GBE1: variants seen among roughly 807,000 people sequenced by gnomAD.
GBE1 encodes the protein 1,4-alpha-glucan branching enzyme 1, also known as 1,4-alpha-glucan-branching enzyme.
GBE1 carries 70 observed loss-of-function variants against 88.8 expected under a neutral mutation model. That is an observed-to-expected ratio of 0.79 (90% CI 0.65 to 0.96). The LOEUF (loss-of-function observed/expected upper bound fraction) is 0.96. Among genes scored for constraint, GBE1 ranks in the 40% least tolerant of loss-of-function variants. The pLI, the probability that GBE1 is intolerant of heterozygous loss-of-function variation, is 0.00. For synonymous variants in GBE1, 284 were observed against 300.1 expected, an observed-to-expected ratio of 0.95 and a Z score of 0.56; for missense variants, 872 against 871.0, an observed-to-expected ratio of 1.00 and a Z score of -0.01.
rs1359193851 is a variant in GBE1 at position 81,761,504 on chromosome 3, A to G, written c.14T>C (p.Met5Thr). The G allele has an allele frequency of 1.2e-6, 2 of 1,603,708 alleles. No individual in the cohort carries two copies. Among genetic ancestry groups the G allele is most frequent in the South Asian group, 1.1e-5 (1 of 90,474 alleles). ...GTCCTCGGGCCGAGCCGCGGGAGTC[A>G]TCGGAGCCGCCATATTCCGCCGCAG... MAAP[M>T]TPAARPEDYE... Residue 5 changes from methionine (M) to threonine (T), a missense_variant, in exon 1 of 16, where the codon ATG (methionine) becomes ACG (threonine). Transcript: ENST00000429644.
intron 15 of GBE1, among the ~76,000 whole-genome samples, chr3:81,496,171 T>C (rs1007451516): frequency 1.3e-5 from 2 of 152,224 alleles, no homozygotes; most frequent in African/African-American, 4.8e-5. Context: ...GAGTTTCCAA[T>C]AACTGCCAGT....
At chr3:81,625,610 T>C (rs918196022) in intron 7 of GBE1, among the ~76,000 whole-genome samples, 41 of 152,048 alleles carry the variant, frequency 2.7e-4, no homozygotes, top group Non-Finnish European at 7.4e-5. Flanking sequence ...GGTAATTTCA[T>C]TTTAATTTTG....
At chr3:81,722,919 C>T (rs551129939) in intron 1 of GBE1, among the ~76,000 whole-genome samples, 3,538 of 125,464 alleles carry the variant, frequency 0.028, 86 homozygotes, top group Non-Finnish European at 0.041. Flanking sequence ...TATATATACA[C>T]ACAAGTAAAT....
At chr3:81,525,162 T>A (rs996100607) in intron 14 of GBE1, among the ~76,000 whole-genome samples, 3 of 151,850 alleles carry the variant, frequency 2.0e-5, no homozygotes, top group Non-Finnish European at 2.9e-5. Context: ...ATTTTAGGAT[T>A]TCCTTTGTGG....
chr3:81,761,299 G>A (rs1054219499), intron 1 of GBE1, 76 bp downstream of exon 1: 7 of 1,514,788 alleles, frequency 4.6e-6, no homozygotes, highest in Non-Finnish European at 5.3e-6. Context: ...AGGGCCGAGG[G>A]GCGGCCCGTG....
chr3:81,546,069 A>G (rs1425710511), intron 12 of GBE1, among the ~76,000 whole-genome samples: 1 of 152,156 alleles, frequency 6.6e-6, no homozygotes, highest in Non-Finnish European at 1.5e-5. Context: ...TGCATAATTT[A>G]TAAATTAAAC....
chr3:81,533,895 A>G (rs569581913), intron 14 of GBE1, among the ~76,000 whole-genome samples: 1 of 152,162 alleles, frequency 6.6e-6, no homozygotes, highest in Admixed American at 6.6e-5. Flanking sequence ...CCATTTGGAC[A>G]TTGCTGGCAC....
chr3:81,670,246 T>C (rs572134197), intron 3 of GBE1, among the ~76,000 whole-genome samples: 2 of 152,262 alleles, frequency 1.3e-5, no homozygotes, highest in East Asian at 1.9e-4. Flanking sequence ...CAAAACCACA[T>C]GGTCAACGAA....
chr3:81,662,908 A>G (rs1705050682), intron 3 of GBE1, among the ~76,000 whole-genome samples: 1 of 152,210 alleles, frequency 6.6e-6, no homozygotes, highest in Non-Finnish European at 1.5e-5. Context: ...ATGAACTCAT[A>G]TAAGAAACGG....
At chr3:81,569,655 G>A (rs1042319957) in intron 12 of GBE1, among the ~76,000 whole-genome samples, 2 of 152,204 alleles carry the variant, frequency 1.3e-5, no homozygotes, top group African/African-American at 4.8e-5. Flanking sequence ...GAGGAAAAGT[G>A]TTAATGGAGA....
At chr3:81,671,119 T>C (rs1284252179) in intron 2 of GBE1, 166 bp from the exon 3 acceptor site, 14 of 407,224 alleles carry the variant, frequency 3.4e-5, no homozygotes, top group Non-Finnish European at 5.6e-5. Flanking sequence ...AAAGGCAGGT[T>C]ATTCTTAATT....
At chr3:81,687,137 C>T (rs905922047) in intron 2 of GBE1, among the ~76,000 whole-genome samples, 1 of 152,180 alleles carries the variant, frequency 6.6e-6, no homozygotes, top group South Asian at 2.1e-4. Flanking sequence ...TTGCTATGCA[C>T]ACACAGGTTT....
chr3:81,501,642 G>T (rs1029279792), intron 14 of GBE1, among the ~76,000 whole-genome samples: 1 of 143,094 alleles, frequency 7.0e-6, no homozygotes, highest in East Asian at 2.1e-4. Context: ...ATTATTTAAG[G>T]TTGCAAAACT....
At chr3:81,534,385 C>T (rs1703046949) in intron 14 of GBE1, among the ~76,000 whole-genome samples, 1 of 151,964 alleles carries the variant, frequency 6.6e-6, no homozygotes, top group Non-Finnish European at 1.5e-5. Context: ...CAGCTCAGAG[C>T]TGTCACAGAG....
At chr3:81,600,661 A>T (rs949141535) in intron 7 of GBE1, among the ~76,000 whole-genome samples, 1 of 152,194 alleles carries the variant, frequency 6.6e-6, no homozygotes, top group African/African-American at 2.4e-5. Flanking sequence ...TTCCTTCACT[A>T]TCACCTCAGA....
chr3:81,556,142 A>G (rs1703345294), intron 12 of GBE1, among the ~76,000 whole-genome samples: 1 of 150,134 alleles, frequency 6.7e-6, no homozygotes, highest in African/African-American at 2.5e-5. Flanking sequence ...TAAATTTCCA[A>G]GCTTCCAGTA....
chr3:81,569,124 T>C (rs1324029524), intron 12 of GBE1, among the ~76,000 whole-genome samples: 1 of 152,194 alleles, frequency 6.6e-6, no homozygotes, highest in Non-Finnish European at 1.5e-5. Flanking sequence ...TTTATATTTA[T>C]ATGATAAAAA....
At chr3:81,747,553 T>C (rs899602470) in intron 1 of GBE1, among the ~76,000 whole-genome samples, 1 of 152,154 alleles carries the variant, frequency 6.6e-6, no homozygotes, top group African/African-American at 2.4e-5. Flanking sequence ...TGGTGGCACA[T>C]GTCAGGTCTC....
chr3:81,629,715 T>A (rs1005025650), intron 7 of GBE1, among the ~76,000 whole-genome samples: 2 of 152,002 alleles, frequency 1.3e-5, no homozygotes, highest in Admixed American at 6.6e-5. Flanking sequence ...TTTTATATAT[T>A]TTTTATTATT....
Sources: gnomAD v4.1 joint callset for allele counts (sites outside exome capture counted in the v4.1 genomes callset) on GRCh38, gnomAD v4.1.1 for gene constraint, MANE v1.5 for transcripts, NCBI Gene and HGNC (gene_info 2026-07-23, HGNC 2026-07-21) for gene names.